Variants in RAB6A observed in about 807,000 individuals in gnomAD.
The protein encoded by RAB6A is RAB6A, member RAS oncogene family.
A neutral mutation model predicts 32.3 loss-of-function variants in RAB6A; 8 were observed. The observed-to-expected ratio is 0.25, with a 90% CI of 0.15 to 0.45. RAB6A has a LOEUF of 0.45. Ranked by LOEUF, RAB6A falls within the 20% of genes least tolerant of loss-of-function variation. The probability of loss-of-function intolerance (pLI) is 1.00; values close to 1 mark genes in which losing one functional copy is unlikely to be tolerated. For missense variants in RAB6A, 104 were observed against 249.4 expected, an observed-to-expected ratio of 0.42 and a Z score of 3.93; for synonymous variants, 73 against 82.1, an observed-to-expected ratio of 0.89 and a Z score of 0.60.
chr11:73,743,050 T>C (rs1216912649), intron 1 of RAB6A, among the ~76,000 whole-genome samples: 2 of 151,974 alleles, frequency 1.3e-5, no homozygotes, highest in African/African-American at 4.8e-5. Context: ...ACGCCTGTAA[T>C]CCCAGCACTT....
intron 6 of RAB6A, among the ~76,000 whole-genome samples, chr11:73,683,124 A>T (rs1474187927): frequency 1.3e-5 from 2 of 152,188 alleles, no homozygotes; most frequent in African/African-American, 4.8e-5. Context: ...GGCAGTAAGT[A>T]TAGTGACTAC....
At chr11:73,730,698 TAAAAA>T in intron 2 of RAB6A, 62 bp downstream of exon 2, 2 of 1,300,378 alleles carry the variant, frequency 1.5e-6, no homozygotes, top group Non-Finnish European at 1.1e-6. Flanking sequence ...AATAATTTTT[TAAAAA>T]TATCTTGAAT....
chr11:73,703,444 C>T (rs751675534), intron 6 of RAB6A, among the ~76,000 whole-genome samples: 1 of 152,148 alleles, frequency 6.6e-6, no homozygotes, highest in African/African-American at 2.4e-5. Context: ...AATAAACTGA[C>T]AATTAAAAAA....
In RAB6A at chr11:73,700,616, G is replaced by A. The variant is rs1403713041; in HGVS notation, c.495+6804C>T. ...AAAAAAAAAGTGTGTGTGTGGGGGGGGGGGGGGGAGGAGGGTAGTGGATGA... is the reference window on the plus strand; with the variant it reads ...AAAAAAAAAGTGTGTGTGTGGGGGGAGGGGGGGGAGGAGGGTAGTGGATGA... On this transcript the variant is annotated intron_variant, in intron 6 of 7. Coordinates refer to ENST00000336083, the MANE Select transcript of RAB6A (RefSeq NM_198896.2). Among the ~76,000 whole-genome samples the A allele has an allele frequency of 3.1e-5, 4 of 129,604 alleles. 1 individual carries two copies. Among genetic ancestry groups the A allele is most frequent in the Non-Finnish European group, 6.5e-5 (4 of 61,340 alleles). 85.0% of individuals were successfully genotyped at this position (129,604 alleles called of 152,430 possible).
chr11:73,731,723 TATATATATACACACAC>T (rs1946313352), intron 1 of RAB6A, among the ~76,000 whole-genome samples: 2 of 10,052 alleles, frequency 2.0e-4, no homozygotes, highest in Non-Finnish European at 5.7e-4. Flanking sequence ...TATATATATA[TATATATATACACACAC>T]ACACACATAT....
chr11:73,752,352 A>C (rs1162503952), intron 1 of RAB6A, among the ~76,000 whole-genome samples: 1 of 152,146 alleles, frequency 6.6e-6, no homozygotes, highest in East Asian at 1.9e-4. Flanking sequence ...GCTACTCAGG[A>C]GACTGAGGTA....
At chr11:73,679,605 A>G (rs759283347) in intron 7 of RAB6A, 49 bp downstream of exon 7, 2 of 1,604,926 alleles carry the variant, frequency 1.2e-6, no homozygotes, top group Non-Finnish European at 1.7e-6. Context: ...GCAGGGCTCT[A>G]AAGACTAGTG....
chr11:73,694,970 C>T (rs565148815), intron 6 of RAB6A, among the ~76,000 whole-genome samples: 91 of 152,170 alleles, frequency 6.0e-4, no homozygotes, highest in African/African-American at 2.1e-3. Flanking sequence ...GAGCTGAGAT[C>T]GTGCCACTGC....
At chr11:73,689,895 CA>C (rs5792626) in intron 6 of RAB6A, among the ~76,000 whole-genome samples, 6,553 of 60,946 alleles carry the variant, frequency 0.11, 64 homozygotes, top group African/African-American at 0.15. Flanking sequence ...GACTCCGTCT[CA>C]AAAAAAAAAA....
At chr11:73,726,009 G>A (rs374745011) in intron 2 of RAB6A, among the ~76,000 whole-genome samples, 13 of 151,956 alleles carry the variant, frequency 8.6e-5, no homozygotes, top group South Asian at 2.1e-4. Flanking sequence ...AAAAAAGGCC[G>A]GGCATGGTGG....
chr11:73,732,494 G>A (rs943695053), intron 1 of RAB6A, among the ~76,000 whole-genome samples: 2 of 152,218 alleles, frequency 1.3e-5, no homozygotes, highest in Non-Finnish European at 2.9e-5. Context: ...GCTGAGGCAG[G>A]AGAATGGCGT....
chr11:73,692,015 T>C (rs534081328), intron 6 of RAB6A, among the ~76,000 whole-genome samples: 1 of 152,156 alleles, frequency 6.6e-6, no homozygotes, highest in Non-Finnish European at 1.5e-5. Context: ...CAAATGTTTA[T>C]ATTAGTGCCT....
intron 1 of RAB6A, chr11:73,759,969 G>A (rs1383924115): frequency 1.7e-6 from 2 of 1,209,458 alleles, no homozygotes; most frequent in East Asian, 5.7e-5. Context: ...CTCCAATTCA[G>A]ATGTTTCCTC....
At chr11:73,707,376 A>C (rs758587342) in intron 6 of RAB6A, 44 bp downstream of exon 6, 1 of 1,409,236 alleles carries the variant, frequency 7.1e-7, no homozygotes, top group Non-Finnish European at 1.0e-6. Context: ...TACTCACACA[A>C]TTATTTCATA....
At position 73,676,937 on chromosome 11, in the gene RAB6A, A is replaced by T. The variant is rs537663074; in HGVS notation, c.*961T>A. The T allele has an allele frequency of 1.8e-5, 3 of 166,950 alleles. No homozygotes were observed. In the East Asian group the frequency reaches 5.8e-4, roughly 32 times the overall value. 10.3% of individuals were successfully genotyped at this position (166,950 alleles called of 1,614,324 possible). ...AACTTTTACAGTGCCTTGCCTGCAC[A>T]GTATTATGTTTTTAAAAAAGAAAAC... On this transcript the variant is annotated 3_prime_UTR_variant, in exon 8 of 8. Transcript: ENST00000336083.
chr11:73,684,163 T>C (rs1945402645), intron 6 of RAB6A, among the ~76,000 whole-genome samples: 1 of 62,794 alleles, frequency 1.6e-5, no homozygotes, highest in South Asian at 5.1e-4. Flanking sequence ...GATACATACA[T>C]TGTTGTTTTT....
intron 5 of RAB6A, among the ~76,000 whole-genome samples, chr11:73,714,170 C>G (rs1331637311): frequency 1.2e-5 from 1 of 85,000 alleles, no homozygotes; most frequent in African/African-American, 4.6e-5. Context: ...CCAGCCTAAG[C>G]AACAAGAGCA....
chr11:73,737,560 G>A (rs919552415), intron 1 of RAB6A, among the ~76,000 whole-genome samples: 1 of 152,130 alleles, frequency 6.6e-6, no homozygotes, highest in Non-Finnish European at 1.5e-5. Flanking sequence ...AAGAGCCAAA[G>A]TGCAGAAACA....
At chr11:73,678,645 A>G (rs186946614) in intron 7 of RAB6A, among the ~76,000 whole-genome samples, 388 of 151,648 alleles carry the variant, frequency 2.6e-3, no homozygotes, top group African/African-American at 8.7e-3. Flanking sequence ...GCGCGGGGAC[A>G]TACTTCAACT....
Sources: allele counts gnomAD v4.1 joint callset (sites outside exome capture counted in the v4.1 genomes callset), GRCh38; gene constraint gnomAD v4.1.1; transcripts MANE v1.5; gene names NCBI Gene and HGNC (gene_info 2026-07-23, HGNC 2026-07-21).